Variants in ACBD6 observed in about 807,000 individuals in gnomAD.
The protein encoded by ACBD6 is acyl-CoA-binding domain-containing protein 6.
Under a neutral mutation model 37.2 loss-of-function variants are expected in ACBD6, and 28 were observed. The observed-to-expected ratio is 0.75, with a 90% CI of 0.56 to 1.03. The LOEUF is 1.03. ACBD6 is among the 50% of genes least tolerant of loss of function. The pLI is 0.00. For missense variants in ACBD6, 340 were observed against 337.4 expected, an observed-to-expected ratio of 1.01 and a Z score of -0.06; for synonymous variants, 113 against 126.8, an observed-to-expected ratio of 0.89 and a Z score of 0.73.
rs78608605 is a variant in ACBD6 at position 180,434,691 on chromosome 1, C to T, written c.385-4429G>A. The T allele has an allele frequency of 4.6e-3, 2,019 of 441,898 alleles. 31 individuals carry two copies. Among genetic ancestry groups the T allele is most frequent in the African/African-American group, 0.034 (1,680 of 49,632 alleles). The allele number at this position is 441,898 out of a possible 1,614,324, so 27.4% of individuals were successfully genotyped here. A position where few individuals can be genotyped will look rare whatever the true frequency, so the allele number is the denominator to read the frequency against. On this transcript the variant is annotated intron_variant, in intron 3 of 7. Transcript: ENST00000367595. ...ATGATAAGTCACTGCTTCGAGTTGT[C>T]CTGTCTTTCCAAACCAAACCAATGT... is the stretch of plus-strand genomic sequence containing the variant.
At chr1:180,375,036 C>T (rs954588766) in intron 6 of ACBD6, among the ~76,000 whole-genome samples, 2 of 152,076 alleles carry the variant, frequency 1.3e-5, no homozygotes, top group African/African-American at 4.8e-5. Flanking sequence ...TTTTCCCTAA[C>T]TTATAAATTC....
At chr1:180,389,160 C>G (rs72714840) in intron 6 of ACBD6, among the ~76,000 whole-genome samples, 1 of 152,282 alleles carries the variant, frequency 6.6e-6, no homozygotes, top group East Asian at 1.9e-4. Context: ...CCCGCTCCCC[C>G]GCCCACAACA....
At chr1:180,368,691 A>G (rs1440140760) in intron 6 of ACBD6, among the ~76,000 whole-genome samples, 1 of 150,894 alleles carries the variant, frequency 6.6e-6, no homozygotes, top group Non-Finnish European at 1.5e-5. Context: ...GGTGGATAGT[A>G]CCAAATCCTA....
chr1:180,351,431 A>G (rs1258847357), intron 6 of ACBD6, among the ~76,000 whole-genome samples: 1 of 151,976 alleles, frequency 6.6e-6, no homozygotes, highest in Non-Finnish European at 1.5e-5. Context: ...GCGTGCCACC[A>G]TGCCTGGCTA....
intron 6 of ACBD6, among the ~76,000 whole-genome samples, chr1:180,379,026 C>T (rs1396943473): frequency 1.3e-5 from 2 of 152,120 alleles, no homozygotes; most frequent in African/African-American, 2.4e-5. Flanking sequence ...CCTGGACCTG[C>T]TAATACCAAT....
chr1:180,272,673 T>A (rs191110946), exon 13 of ACBD6: 1 of 152,372 alleles, frequency 6.6e-6, no homozygotes, highest in African/African-American at 2.4e-5. Context: ...GGTACTGAGT[T>A]CTCAAATGTG....
At chr1:180,371,043 C>T (rs1186517040) in intron 6 of ACBD6, among the ~76,000 whole-genome samples, 1 of 151,852 alleles carries the variant, frequency 6.6e-6, no homozygotes, top group Non-Finnish European at 1.5e-5. Context: ...TTTATTTTGA[C>T]AAACTAACTG....
intron 6 of ACBD6, among the ~76,000 whole-genome samples, chr1:180,332,640 G>T (rs941948807): frequency 6.6e-6 from 1 of 151,952 alleles, no homozygotes; most frequent in Non-Finnish European, 1.5e-5. Context: ...TCTAGTTGCA[G>T]GAAAACAAGC....
intron 6 of ACBD6, among the ~76,000 whole-genome samples, chr1:180,386,266 G>A (rs1653842004): frequency 1.3e-5 from 2 of 152,112 alleles, no homozygotes; most frequent in African/African-American, 4.8e-5. Flanking sequence ...ACTTATGATG[G>A]GTTTATCAGG....
At chr1:180,444,500 A>T (rs1649405294) in intron 3 of ACBD6, among the ~76,000 whole-genome samples, 1 of 152,222 alleles carries the variant, frequency 6.6e-6, no homozygotes, top group African/African-American at 2.4e-5. Context: ...ATAATATTTT[A>T]AAAATAACCT....
chr1:180,377,101 G>A lies in ACBD6; in HGVS notation c.663+20415C>T, dbSNP rs772877260. On this transcript the variant is annotated intron_variant, in intron 6 of 7. Transcript: ENST00000367595. ...TAACAATTCTGAAACTCCTTTATGC[G>A]TATATACTAGAGTTGAACAGAAAAA... is the stretch of plus-strand genomic sequence containing the variant. Among the ~76,000 whole-genome samples, 18 of 151,950 alleles carry A rather than the reference G, an allele frequency of 1.2e-4. No homozygotes were observed. The East Asian group carries it at 1.9e-3, about 16-fold the overall frequency.
rs60986960 is a variant in ACBD6, at chr1:180,435,444, G to A, written c.385-5182C>T. 2.6e-3 allele frequency: 1,208 copies of A among 457,914 alleles called. 17 individuals carry two copies. Among genetic ancestry groups the A allele is most frequent in the African/African-American group, 0.022 (1,097 of 49,596 alleles). 28.4% of individuals were successfully genotyped at this position (457,914 alleles called of 1,614,324 possible). ...TTTTTTTTTTTTTTTTAGTAGAGAC[G>A]GGGTTTCACCGTTAGCCAGGATGGT... On this transcript the variant is annotated intron_variant, in intron 3 of 7. Coordinates refer to ENST00000367595, the MANE Select transcript of ACBD6 (RefSeq NM_032360.4).
At chr1:180,449,777 G>C (rs972599723) in intron 3 of ACBD6, among the ~76,000 whole-genome samples, 2 of 151,788 alleles carry the variant, frequency 1.3e-5, no homozygotes, top group Non-Finnish European at 2.9e-5. Context: ...GTGGGGACAG[G>C]GGGAGGGATA....
intron 3 of ACBD6, among the ~76,000 whole-genome samples, chr1:180,452,692 A>G (rs1349873146): frequency 0.01 from 1 of 98 alleles, no homozygotes; most frequent in Non-Finnish European, 0.019. Flanking sequence ...AAGAAAAGAG[A>G]GAAGATTCAA....
intron 3 of ACBD6, among the ~76,000 whole-genome samples, chr1:180,454,381 G>A (rs182333950): frequency 2.7e-4 from 41 of 152,162 alleles, no homozygotes; most frequent in Admixed American, 7.9e-4. Context: ...AACTCAAGAC[G>A]GATTAAAGAC....
At chr1:180,466,996 C>T (rs1650372295) in intron 3 of ACBD6, among the ~76,000 whole-genome samples, 1 of 152,054 alleles carries the variant, frequency 6.6e-6, no homozygotes, top group Non-Finnish European at 1.5e-5. Context: ...ATATGATCCC[C>T]AAAGATTAAC....
chr1:180,493,262 AAAAAAAAAAAAAAAAAC>A lies in ACBD6; in HGVS notation c.288-914_288-898del, dbSNP rs1330298675. Among the ~76,000 whole-genome samples, 7 of 140,196 alleles carry A rather than the reference AAAAAAAAAAAAAAAAAC, an allele frequency of 5.0e-5. No homozygotes were observed. In the South Asian group the frequency reaches 1.3e-3, roughly 26 times the overall value. 92.0% of individuals were successfully genotyped at this position (140,196 alleles called of 152,430 possible). A position where few individuals can be genotyped will look rare whatever the true frequency, so the allele number is the denominator to read the frequency against. ...AATTCTGTCTCAAAAAAAAAAAAAA[AAAAAAAAAAAAAAAAAC>A]AACAACAGCAACTAAAGAATACTAA... On this transcript the variant is annotated intron_variant, in intron 2 of 7. Transcript: ENST00000367595.
At chr1:180,364,478 G>A (rs577505270) in intron 6 of ACBD6, among the ~76,000 whole-genome samples, 114 of 152,304 alleles carry the variant, frequency 7.5e-4, no homozygotes, top group Non-Finnish European at 1.4e-3. Context: ...CACCTGGAAG[G>A]GAGGAGATAC....
chr1:180,292,820 TC>T (rs1649766669), intron 7 of ACBD6, among the ~76,000 whole-genome samples: 2 of 152,356 alleles, frequency 1.3e-5, no homozygotes, highest in South Asian at 4.1e-4. Context: ...GGGAAAGTGT[TC>T]AGCCTTTCAT....
Sources: allele counts gnomAD v4.1 joint callset (sites outside exome capture counted in the v4.1 genomes callset), GRCh38; gene constraint gnomAD v4.1.1; transcripts MANE v1.5; gene names NCBI Gene and HGNC (gene_info 2026-07-23, HGNC 2026-07-21).